Variants in CLSTN1 observed in about 807,000 individuals in gnomAD.
CLSTN1 encodes calsyntenin-1.
In CLSTN1, 28 loss-of-function variants were observed where a neutral mutation model predicts 108.3. That is an observed-to-expected ratio of 0.26 (90% CI 0.19 to 0.35). The LOEUF is 0.35. Ranked by LOEUF, CLSTN1 falls within the 10% of genes least tolerant of loss-of-function variation. The pLI, the probability that CLSTN1 is intolerant of heterozygous loss-of-function variation, is 1.00. For missense variants in CLSTN1, 1,157 were observed against 1,302.6 expected (o/e 0.89, Z 1.72); for synonymous variants, 524 against 534.9 (o/e 0.98, Z 0.28).
At chr1:9,820,554 G>C (rs1655155068) in intron 1 of CLSTN1, among the ~76,000 whole-genome samples, 2 of 151,990 alleles carry the variant, frequency 1.3e-5, no homozygotes, top group Non-Finnish European at 2.9e-5. Context: ...ACTTAAGTTT[G>C]CTTTACACTA....
intron 2 of CLSTN1, among the ~76,000 whole-genome samples, chr1:9,758,420 T>G (rs1651920775): frequency 6.6e-6 from 1 of 152,046 alleles, no homozygotes. Context: ...TTCAAGCGAT[T>G]CTCATGCCTC....
rs369359240 is a variant in CLSTN1 at position 9,734,967 on chromosome 1, G to C, written c.2091C>G (p.Asp697Glu). ...TITREVEPEG[D>E]GAEDPTVQES... Reference sequence around the variant, plus strand: ...CATTACCTGTGGGGTCCTCAGCCCCGTCCCCTTCAGGCTCCACTTCTCTCG... The same window carrying C: ...CATTACCTGTGGGGTCCTCAGCCCCCTCCCCTTCAGGCTCCACTTCTCTCG... The change falls in exon 14 of 19, where the codon GAC becomes GAG. Residue 697 changes from aspartate to glutamate, a missense_variant. Asp to Glu is a conservative substitution (Grantham distance 45). Transcript: ENST00000377298. This position sits in a 1 kb window ranked among gnomAD's most constrained non-coding sequence, Gnocchi z 4.8. 2.1e-5 allele frequency: 34 copies of C among 1,614,122 alleles called. No individual in the cohort carries two copies. Among genetic ancestry groups the C allele is most frequent in the East Asian group, 1.8e-4 (8 of 44,884 alleles).
chr1:9,809,523 G>A (rs188381094), intron 1 of CLSTN1, among the ~76,000 whole-genome samples: 4 of 152,228 alleles, frequency 2.6e-5, no homozygotes, highest in African/African-American at 9.6e-5. Flanking sequence ...GCTCATGCCT[G>A]TAATCCCAGT....
chr1:9,790,774 T>A (rs1570497066), intron 1 of CLSTN1, among the ~76,000 whole-genome samples: 1 of 151,068 alleles, frequency 6.6e-6, no homozygotes, highest in African/African-American at 2.4e-5. Flanking sequence ...ACAGCGACAA[T>A]CACAAGGCTA....
intron 10 of CLSTN1, 125 bp downstream of exon 10, chr1:9,740,969 T>C (rs1173946199): frequency 5.6e-6 from 6 of 1,068,744 alleles, no homozygotes; most frequent in East Asian, 4.9e-5. Flanking sequence ...ACACAGGAAA[T>C]GGAAGGAAAA....
rs185659131 is a variant in CLSTN1 at position 9,786,662 on chromosome 1, A to C, written c.92-13268T>G. Among the ~76,000 whole-genome samples the C allele has an allele frequency of 8.4e-4, 126 of 150,406 alleles. 12 individuals are homozygous for C. In the East Asian group the frequency reaches 0.023, roughly 27 times the overall value. On this transcript the variant is annotated intron_variant, in intron 1 of 18. Transcript: ENST00000377298. Reference sequence around the variant, plus strand: ...AGACTCCGTCTCAAAAAAAAAAAAAAAAAAAAAAAAACAAAGGTGAGAGCT... The same window carrying C: ...AGACTCCGTCTCAAAAAAAAAAAAACAAAAAAAAAAACAAAGGTGAGAGCT...
intron 1 of CLSTN1, among the ~76,000 whole-genome samples, chr1:9,818,127 C>G (rs1486673709): frequency 6.6e-6 from 1 of 151,786 alleles, no homozygotes; most frequent in Non-Finnish European, 1.5e-5. Context: ...CCAGCCTCAG[C>G]CTCCTGAGTA....
At chr1:9,767,063 C>T (rs1652372692) in intron 2 of CLSTN1, among the ~76,000 whole-genome samples, 1 of 152,232 alleles carries the variant, frequency 6.6e-6, no homozygotes, top group Non-Finnish European at 1.5e-5. Context: ...CTGTGTGATC[C>T]TGGGTAAACT....
intron 1 of CLSTN1, among the ~76,000 whole-genome samples, chr1:9,785,543 T>C (rs1653446059): frequency 1.3e-5 from 2 of 152,124 alleles, no homozygotes; most frequent in Admixed American, 6.6e-5. Flanking sequence ...TCCCGTGCAT[T>C]GTGGGACGTT....
At chr1:9,743,447 T>C (rs1651080553) in intron 9 of CLSTN1, among the ~76,000 whole-genome samples, 5 of 152,212 alleles carry the variant, frequency 3.3e-5, no homozygotes. Context: ...CATGTGTCTG[T>C]AGTCCCAGCT....
intron 2 of CLSTN1, among the ~76,000 whole-genome samples, chr1:9,763,588 A>G (rs1187827013): frequency 6.6e-6 from 1 of 152,176 alleles, no homozygotes; most frequent in Non-Finnish European, 1.5e-5. Context: ...CTGGAGGTAC[A>G]GACTAGGCAG....
chr1:9,781,814 C>A (rs116765244), intron 1 of CLSTN1, among the ~76,000 whole-genome samples: 1 of 152,012 alleles, frequency 6.6e-6, no homozygotes, highest in Non-Finnish European at 1.5e-5. Context: ...TTATTTATAG[C>A]TTTGATAGCT....
chr1:9,815,946 T>G (rs886338955), intron 1 of CLSTN1, among the ~76,000 whole-genome samples: 4 of 151,850 alleles, frequency 2.6e-5, no homozygotes, highest in Non-Finnish European at 5.9e-5. Flanking sequence ...AAAAAAAAAT[T>G]TTTTTAATTT....
chr1:9,796,834 T>C (rs1424775122), intron 1 of CLSTN1, among the ~76,000 whole-genome samples: 1 of 152,084 alleles, frequency 6.6e-6, no homozygotes, highest in Non-Finnish European at 1.5e-5. Context: ...TGTTCAACCA[T>C]TACATCAAAT....
intron 1 of CLSTN1, among the ~76,000 whole-genome samples, chr1:9,778,457 T>C (rs1016997363): frequency 6.6e-6 from 1 of 152,176 alleles, no homozygotes; most frequent in Non-Finnish European, 1.5e-5. Context: ...ATTCAAAAGA[T>C]ACTGCGAAGG....
At chr1:9,732,192 T>C (rs1261665073) in intron 16 of CLSTN1, among the ~76,000 whole-genome samples, 1 of 152,148 alleles carries the variant, frequency 6.6e-6, no homozygotes, top group African/African-American at 2.4e-5. Flanking sequence ...CTTTTCTACT[T>C]ATTAGTATTT....
chr1:9,743,049 C>T (rs1048237919), intron 9 of CLSTN1, among the ~76,000 whole-genome samples: 12 of 152,168 alleles, frequency 7.9e-5, no homozygotes, highest in Non-Finnish European at 1.5e-5. Context: ...ATTTTAGCAA[C>T]TGCAGGCACA....
chr1:9,780,826 T>A lies in CLSTN1; in HGVS notation c.92-7432A>T, dbSNP rs976026134. ...TTTAAAAAACAAACTAAACTGCTTC[T>A]CCTGCCTCCCTTGGCCTCAGCCATG... On this transcript the variant is annotated intron_variant, in intron 1 of 18. Transcript: ENST00000377298. 12 of 216,798 alleles carry A rather than the reference T, an allele frequency of 5.5e-5. No homozygotes were observed. In the East Asian group the frequency reaches 1.4e-3, roughly 26 times the overall value. The allele number at this position is 216,798 out of a possible 1,614,324, so 13.4% of individuals were successfully genotyped here.
intron 1 of CLSTN1, among the ~76,000 whole-genome samples, chr1:9,806,217 G>A (rs1012913845): frequency 2.0e-5 from 3 of 151,808 alleles, no homozygotes; most frequent in Non-Finnish European, 4.4e-5. Flanking sequence ...TTGAACCCAG[G>A]GCAGGGGGGG....
Sources: gnomAD v4.1 joint callset for allele counts (sites outside exome capture counted in the v4.1 genomes callset) on GRCh38, gnomAD v4.1.1 for gene constraint, Gnocchi (gnomAD v3.1) non-coding constraint, MANE v1.5 for transcripts, NCBI Gene and HGNC (gene_info 2026-07-23, HGNC 2026-07-21) for gene names.